Variants in CCDC149 observed in about 807,000 individuals in gnomAD.
The protein encoded by CCDC149 is coiled-coil domain containing 149, also known as coiled-coil domain-containing protein 149.
Under a neutral mutation model 59.9 loss-of-function variants are expected in CCDC149, and 45 were observed. The ratio of observed to expected loss-of-function variants is 0.75; its 90% CI spans 0.59 to 0.96. CCDC149 has a LOEUF of 0.96. Among genes scored for constraint, CCDC149 ranks in the 40% least tolerant of loss-of-function variants. The pLI, the probability that CCDC149 is intolerant of heterozygous loss-of-function variation, is 0.00. For synonymous variants in CCDC149, 245 were observed against 260.6 expected (o/e 0.94, Z 0.58); for missense variants, 584 against 664.7 (o/e 0.88, Z 1.33).
chr4:24,894,634 G>A (rs577774226), intron 1 of CCDC149, among the ~76,000 whole-genome samples: 26 of 151,970 alleles, frequency 1.7e-4, no homozygotes, highest in African/African-American at 5.5e-4. Flanking sequence ...TTGAGGAATG[G>A]GACAAACAAG....
intron 3 of CCDC149, among the ~76,000 whole-genome samples, chr4:24,858,959 C>T (rs1411670885): frequency 3.9e-5 from 6 of 152,160 alleles, no homozygotes; most frequent in Non-Finnish European, 7.3e-5. Flanking sequence ...CCTCTATCAC[C>T]GTTCCAATTC....
chr4:24,978,535 G>A (rs537694154), intron 1 of CCDC149, among the ~76,000 whole-genome samples: 44 of 152,318 alleles, frequency 2.9e-4, no homozygotes, highest in African/African-American at 9.9e-4. Context: ...TGGGAGGTCA[G>A]TGAATTCTGG....
chr4:24,815,294 G>T (rs1439169676), intron 12 of CCDC149, among the ~76,000 whole-genome samples: 1 of 152,122 alleles, frequency 6.6e-6, no homozygotes, highest in African/African-American at 2.4e-5. Context: ...TTTCTGACTT[G>T]CACAAACATT....
At chr4:24,867,651 A>T (rs1406847319) in intron 3 of CCDC149, among the ~76,000 whole-genome samples, 1 of 152,208 alleles carries the variant, frequency 6.6e-6, no homozygotes, top group African/African-American at 2.4e-5. Context: ...AATTGAATGC[A>T]AATTTTTTTG....
At position 24,822,560 on chromosome 4, in the gene CCDC149, G is replaced by T; in HGVS notation, c.979C>A (p.Arg327=). 1 of 1,530,460 alleles carries T rather than the reference G, an allele frequency of 6.5e-7. No homozygotes were observed. The highest frequency in any genetic ancestry group is 8.8e-7 in the Non-Finnish European group (1 of 1,137,932). The allele number at this position is 1,530,460 out of a possible 1,614,324, so 94.8% of individuals were successfully genotyped here. A position where few individuals can be genotyped will look rare whatever the true frequency, so the allele number is the denominator to read the frequency against. The change falls in exon 10 of 13, where the codon CGG becomes AGG. Residue 327 remains arginine (R), a synonymous_variant. Coordinates refer to ENST00000635206, the MANE Select transcript of CCDC149 (RefSeq NM_001330643.2). ...AATTTTTTTTCCAGCTCAGCCACCC[G>T]ATTCCCTAGGATTCTGAAAAAAGGG...
chr4:24,946,631 C>T (rs1723117537), intron 1 of CCDC149, among the ~76,000 whole-genome samples: 2 of 152,082 alleles, frequency 1.3e-5, no homozygotes, highest in South Asian at 4.2e-4. Context: ...TGTTGATTAA[C>T]TAAAGGATGT....
chr4:24,916,787 G>GGTGTATGTGTGT (rs1722133606), upstream of CCDC149, among the ~76,000 whole-genome samples: 1 of 141,922 alleles, frequency 7.0e-6, no homozygotes, highest in Non-Finnish European at 1.5e-5. Context: ...GGTTTATAAT[G>GGTGTATGTGTGT]GTGTGTGTGT....
At chr4:24,972,790 A>T (rs1724015394) in intron 1 of CCDC149, among the ~76,000 whole-genome samples, 1 of 152,196 alleles carries the variant, frequency 6.6e-6, no homozygotes, top group Non-Finnish European at 1.5e-5. Context: ...AAGTATGTTT[A>T]TTTGTCACAC....
In CCDC149 at chr4:24,837,148, G is replaced by T; in HGVS notation, c.662+80C>A. Reference sequence around the variant, plus strand: ...AGGCAATTTTCTCCAAAATAAATAGGGCTGCAAATAACTCCCAGCCTGCAG... The same window carrying T: ...AGGCAATTTTCTCCAAAATAAATAGTGCTGCAAATAACTCCCAGCCTGCAG... On this transcript the variant is annotated intron_variant, in intron 6 of 12. Coordinates refer to ENST00000635206, the MANE Select transcript of CCDC149 (RefSeq NM_001330643.2). The surrounding 1 kb of genome is among the most constrained non-coding windows in gnomAD (Gnocchi z 4.3). 7.4e-7 allele frequency: 1 copy of T among 1,345,630 alleles called. No individual in the cohort carries two copies. 83.4% of individuals were successfully genotyped at this position (1,345,630 alleles called of 1,614,324 possible).
intron 1 of CCDC149, among the ~76,000 whole-genome samples, chr4:24,956,851 T>A (rs4697504): frequency 6.6e-6 from 1 of 152,146 alleles, no homozygotes; most frequent in Non-Finnish European, 1.5e-5. Flanking sequence ...CTTGAGAAAG[T>A]GTATACAATC....
At chr4:24,846,565 C>T (rs1158259106) in intron 4 of CCDC149, among the ~76,000 whole-genome samples, 1 of 152,142 alleles carries the variant, frequency 6.6e-6, no homozygotes, top group East Asian at 1.9e-4. Context: ...TCTTTATTGG[C>T]CTGTAGCTGT....
intron 1 of CCDC149, among the ~76,000 whole-genome samples, chr4:24,890,808 C>A (rs1720480795): frequency 6.6e-6 from 1 of 152,250 alleles, no homozygotes; most frequent in Non-Finnish European, 1.5e-5. Context: ...AAAAGGCAGT[C>A]ATCTGCAGAC....
At chr4:24,818,759 G>A (rs1715178617) in intron 12 of CCDC149, among the ~76,000 whole-genome samples, 1 of 152,206 alleles carries the variant, frequency 6.6e-6, no homozygotes, top group South Asian at 2.1e-4. Flanking sequence ...TAAACAACCC[G>A]AGAGAGAGCA....
intron 1 of CCDC149, among the ~76,000 whole-genome samples, chr4:24,911,297 C>T (rs1043344021): frequency 1.4e-4 from 21 of 152,190 alleles, no homozygotes; most frequent in African/African-American, 2.4e-5. Flanking sequence ...AGTTCACTCT[C>T]ACTGTCTACG....
intron 9 of CCDC149, among the ~76,000 whole-genome samples, chr4:24,823,725 GTACCATCTT>G (rs1715552650): frequency 1.3e-5 from 2 of 152,120 alleles, no homozygotes; most frequent in South Asian, 4.1e-4. Flanking sequence ...GAATTGACTT[GTACCATCTT>G]AATTAATATT....
intron 4 of CCDC149, among the ~76,000 whole-genome samples, chr4:24,845,353 A>G (rs557544598): frequency 1.1e-4 from 16 of 152,256 alleles, no homozygotes; most frequent in Non-Finnish European, 2.2e-4. Context: ...CACCTGATAC[A>G]AACAGCATCC....
intron 1 of CCDC149, among the ~76,000 whole-genome samples, chr4:24,940,895 G>C (rs1256425291): frequency 6.6e-6 from 1 of 152,170 alleles, no homozygotes; most frequent in East Asian, 1.9e-4. Flanking sequence ...GATTCATAAA[G>C]CAAGTCCTTA....
At chr4:24,817,077 G>A (rs1715064078) in intron 12 of CCDC149, among the ~76,000 whole-genome samples, 1 of 152,192 alleles carries the variant, frequency 6.6e-6, no homozygotes, top group Non-Finnish European at 1.5e-5. Flanking sequence ...GAGAGCTAAT[G>A]ATGCAACTCT....
Position 24,876,556 on chromosome 4 carries a change from T to C in CCDC149, c.205A>G (p.Lys69Glu). 1 of 1,614,086 alleles carries C rather than the reference T, an allele frequency of 6.2e-7. No individual in the cohort carries two copies. Among genetic ancestry groups the C allele is most frequent in the Non-Finnish European group, 8.5e-7 (1 of 1,179,968 alleles). Residue 69 changes from lysine to glutamate, a missense_variant, in exon 2 of 13, where the codon AAG becomes GAG. Physicochemically the swap from Lys to Glu is moderately conservative, Grantham distance 56 (BLOSUM62 1). Transcript: ENST00000635206. ...CTTACAATCAGCTCTCGGTACTTCT[T>C]CTTCAGTGACTGGTGGCGCTCCCGG...
Sources: gnomAD v4.1 joint callset for allele counts (sites outside exome capture counted in the v4.1 genomes callset) on GRCh38, gnomAD v4.1.1 for gene constraint, Gnocchi (gnomAD v3.1) non-coding constraint, MANE v1.5 for transcripts, NCBI Gene and HGNC (gene_info 2026-07-23, HGNC 2026-07-21) for gene names.